The following PTPRD variants were observed in gnomAD, a reference collection of about 807,000 sequenced individuals.
The protein encoded by PTPRD is protein tyrosine phosphatase receptor type D.
PTPRD carries 34 observed loss-of-function variants against 214.5 expected under a neutral mutation model. The observed-to-expected ratio is 0.16, with a 90% CI of 0.12 to 0.21. PTPRD has a LOEUF of 0.21. PTPRD is among the 10% of genes least tolerant of loss of function. PTPRD has a pLI of 1.00. For synonymous variants in PTPRD, 1,128 were observed against 845.7 expected, an observed-to-expected ratio of 1.33 and a Z score of -5.79; for missense variants, 2,545 against 2,398.7, an observed-to-expected ratio of 1.06 and a Z score of -1.27.
chr9:8,628,761 T>G (rs1659948799), intron 14 of PTPRD, among the ~76,000 whole-genome samples: 1 of 151,852 alleles, frequency 6.6e-6, no homozygotes, highest in Admixed American at 6.6e-5. Flanking sequence ...GTCCTAATGG[T>G]GATCATTCAC....
intron 2 of PTPRD, among the ~76,000 whole-genome samples, chr9:10,485,079 A>G (rs1444563325): frequency 6.6e-6 from 1 of 151,926 alleles, no homozygotes; most frequent in Non-Finnish European, 1.5e-5. Context: ...ATTCTTCTGC[A>G]TATAGATATC....
chr9:8,520,590 A>T (rs2097868145), intron 20 of PTPRD, among the ~76,000 whole-genome samples: 1 of 152,122 alleles, frequency 6.6e-6, no homozygotes, highest in Non-Finnish European at 1.5e-5. Flanking sequence ...ACTTTCTAGA[A>T]TTCTATAAAC....
chr9:9,926,943 T>C (rs1340956202), intron 5 of PTPRD, among the ~76,000 whole-genome samples: 1 of 152,156 alleles, frequency 6.6e-6, no homozygotes, highest in African/African-American at 2.4e-5. Context: ...GGTTCAAGAA[T>C]TGTTGATTTG....
chr9:10,598,268 G>C (rs957296314), intron 2 of PTPRD, among the ~76,000 whole-genome samples: 2 of 151,672 alleles, frequency 1.3e-5, no homozygotes, highest in Non-Finnish European at 2.9e-5. Context: ...TATACATTTT[G>C]AATTTGCTAG....
chr9:9,396,864 T>A (rs1230771979), intron 9 of PTPRD, among the ~76,000 whole-genome samples: 1 of 152,042 alleles, frequency 6.6e-6, no homozygotes, highest in African/African-American at 2.4e-5. Flanking sequence ...TTACCAGTAC[T>A]GTGAAAGCAC....
chr9:8,735,057 T>C (rs1166926805), intron 11 of PTPRD, among the ~76,000 whole-genome samples: 1 of 151,698 alleles, frequency 6.6e-6, no homozygotes, highest in Non-Finnish European at 1.5e-5. Flanking sequence ...TTAGAACAGA[T>C]GCGTGAGTAC....
rs539858905 is a variant in PTPRD, at chr9:10,227,893, C to T, written c.-545+113070G>A. Among the ~76,000 whole-genome samples, 36 of 151,890 alleles carry T rather than the reference C, an allele frequency of 2.4e-4. No individual in the cohort carries two copies. The South Asian group carries it at 6.2e-3, about 26-fold the overall frequency. ...CCTACTTGGCTGAGGACTCGCAAGA[C>T]ATTTCCCTACACATCGTCAAATCTT... On this transcript the variant is annotated intron_variant, in intron 3 of 45. Transcript: ENST00000381196.
chr9:8,894,067 A>G (rs979236270), intron 11 of PTPRD, among the ~76,000 whole-genome samples: 9 of 152,040 alleles, frequency 5.9e-5, no homozygotes, highest in Non-Finnish European at 1.3e-4. Context: ...AGAATAACCA[A>G]TCTAGGCCAG....
chr9:8,773,024 A>T (rs148824577), intron 11 of PTPRD, among the ~76,000 whole-genome samples: 31 of 152,246 alleles, frequency 2.0e-4, no homozygotes, highest in South Asian at 4.2e-4. Flanking sequence ...ACTCTACTGA[A>T]TGCCCTATGA....
intron 2 of PTPRD, among the ~76,000 whole-genome samples, chr9:10,502,029 C>A (rs1486531764): frequency 6.6e-6 from 1 of 151,560 alleles, no homozygotes; most frequent in African/African-American, 2.4e-5. Context: ...ATATAGAAAC[C>A]AATAAGAAGA....
At chr9:9,239,067 A>C (rs2099968902) in intron 9 of PTPRD, among the ~76,000 whole-genome samples, 1 of 152,060 alleles carries the variant, frequency 6.6e-6, no homozygotes, top group South Asian at 2.1e-4. Flanking sequence ...TCTTAGAAGA[A>C]CTTGCAATCT....
intron 12 of PTPRD, among the ~76,000 whole-genome samples, chr9:8,690,763 G>C (rs1046703321): frequency 5.3e-5 from 8 of 152,094 alleles, no homozygotes; most frequent in African/African-American, 1.9e-4. Context: ...TCTACTCTTA[G>C]TGAAAACTAA....
intron 8 of PTPRD, among the ~76,000 whole-genome samples, chr9:9,439,049 T>G (rs2086457655): frequency 6.6e-6 from 1 of 152,162 alleles, no homozygotes; most frequent in South Asian, 2.1e-4. Flanking sequence ...TCCATAATCA[T>G]TTTATAAACC....
At chr9:9,379,275 C>A (rs1305091761) in intron 9 of PTPRD, among the ~76,000 whole-genome samples, 2 of 149,746 alleles carry the variant, frequency 1.3e-5, no homozygotes, top group African/African-American at 2.4e-5. Flanking sequence ...ATGTCCCTCT[C>A]CCATTTGTTG....
chr9:8,707,384 C>A (rs931048480), intron 12 of PTPRD, among the ~76,000 whole-genome samples: 2 of 152,290 alleles, frequency 1.3e-5, no homozygotes, highest in Admixed American at 6.5e-5. Flanking sequence ...CAGGAACATG[C>A]CCTTTTGGTC....
intron 11 of PTPRD, among the ~76,000 whole-genome samples, chr9:8,885,886 C>A (rs1462583569): frequency 6.6e-6 from 1 of 152,104 alleles, no homozygotes; most frequent in African/African-American, 2.4e-5. Flanking sequence ...ATTTCTAGAG[C>A]CAAATTATTT....
intron 5 of PTPRD, among the ~76,000 whole-genome samples, chr9:9,861,687 C>T (rs577672052): frequency 6.6e-6 from 1 of 152,236 alleles, no homozygotes; most frequent in East Asian, 1.9e-4. Flanking sequence ...TGATTCATAT[C>T]TTTGCAGAAA....
intron 5 of PTPRD, among the ~76,000 whole-genome samples, chr9:9,882,959 C>A (rs2069317405): frequency 6.6e-6 from 1 of 152,142 alleles, no homozygotes; most frequent in Admixed American, 6.5e-5. Context: ...TTCTCCCTCA[C>A]TGGCCATGTG....
intron 9 of PTPRD, among the ~76,000 whole-genome samples, chr9:9,313,153 C>G (rs759000852): frequency 6.6e-6 from 1 of 152,078 alleles, no homozygotes; most frequent in Non-Finnish European, 1.5e-5. Flanking sequence ...TCTCAATTAG[C>G]CTATGATAAA....
Sources: allele counts gnomAD v4.1 joint callset (sites outside exome capture counted in the v4.1 genomes callset), GRCh38; gene constraint gnomAD v4.1.1; transcripts MANE v1.5; gene names NCBI Gene and HGNC (gene_info 2026-07-23, HGNC 2026-07-21).